CAPZA2: variants seen among roughly 807,000 people sequenced by gnomAD.
CAPZA2 encodes the protein F-actin-capping protein subunit alpha-2.
In CAPZA2, 13 loss-of-function variants were observed where a neutral mutation model predicts 44.0. The observed-to-expected ratio is 0.30, with a 90% CI of 0.19 to 0.47. CAPZA2 has a LOEUF of 0.47. CAPZA2 is among the 20% of genes least tolerant of loss of function. The pLI, the probability that CAPZA2 is intolerant of heterozygous loss-of-function variation, is 1.00. For synonymous variants in CAPZA2, 94 were observed against 108.2 expected (o/e 0.87, Z 0.81); for missense variants, 244 against 338.6 (o/e 0.72, Z 2.19).
chr7:116,898,676 A>G lies in CAPZA2; in HGVS notation c.156-96A>G, dbSNP rs536530907. The G allele has an allele frequency of 2.8e-5, 19 of 683,250 alleles. No homozygotes were observed. In the South Asian group the frequency reaches 3.4e-4, roughly 12 times the overall value. 42.3% of individuals were successfully genotyped at this position (683,250 alleles called of 1,614,324 possible). ...TTATTTATTTTGCAGTGTGCAATGT[A>G]GGAGGAGACTTTATTGATGGGTGAA... On this transcript the variant is annotated intron_variant, in intron 3 of 9. Transcript: ENST00000361183.
intron 1 of CAPZA2, among the ~76,000 whole-genome samples, chr7:116,865,279 G>A (rs1421317860): frequency 2.0e-5 from 3 of 146,410 alleles, no homozygotes; most frequent in African/African-American, 7.6e-5. Flanking sequence ...TCTGCCTCCG[G>A]GGCTGAAGCG....
At chr7:116,892,184 T>C (rs1796854327) in intron 2 of CAPZA2, among the ~76,000 whole-genome samples, 1 of 152,330 alleles carries the variant, frequency 6.6e-6, no homozygotes, top group African/African-American at 2.4e-5. Flanking sequence ...TTATAGTCTT[T>C]TTACATTTAA....
Position 116,882,866 on chromosome 7 carries a change from A to T in CAPZA2, c.40-5261A>T, listed in dbSNP as rs1035246011. Among the ~76,000 whole-genome samples the T allele has an allele frequency of 5.3e-5, 8 of 152,182 alleles. No individual in the cohort carries two copies. In the East Asian group the frequency reaches 1.3e-3, roughly 26 times the overall value. ...AAACCACTCTATACTTCTTGATGTG[A>T]TTGTTGTGAGGTATGCTTGTCAGCT... On this transcript the variant is annotated intron_variant, in intron 1 of 9. Transcript: ENST00000361183.
intron 7 of CAPZA2, among the ~76,000 whole-genome samples, chr7:116,911,412 A>C (rs1411916413): frequency 6.6e-6 from 1 of 152,206 alleles, no homozygotes; most frequent in African/African-American, 2.4e-5. Context: ...TATTTGCATG[A>C]CATACAAGGC....
At chr7:116,902,123 A>C (rs1050359684) in intron 4 of CAPZA2, among the ~76,000 whole-genome samples, 11 of 152,110 alleles carry the variant, frequency 7.2e-5, no homozygotes, top group African/African-American at 2.7e-4. Flanking sequence ...TATTGGCATA[A>C]CTGGTTTCTA....
chr7:116,916,938 T>C (rs1435249522), intron 9 of CAPZA2, among the ~76,000 whole-genome samples: 1 of 152,202 alleles, frequency 6.6e-6, no homozygotes, highest in African/African-American at 2.4e-5. Context: ...TGGCTATTTT[T>C]TTTCTGGTTG....
intron 2 of CAPZA2, among the ~76,000 whole-genome samples, chr7:116,890,777 C>CAAAAAAA (rs576504004): frequency 1.9e-5 from 1 of 53,424 alleles, no homozygotes; most frequent in African/African-American, 8.2e-5. Context: ...GACTCTGTCT[C>CAAAAAAA]AAAAAAAAAA....
chr7:116,913,731 T>A (rs976002169), intron 8 of CAPZA2, among the ~76,000 whole-genome samples: 19 of 151,390 alleles, frequency 1.3e-4, no homozygotes, highest in African/African-American at 4.4e-4. Flanking sequence ...GCCTCCTGAG[T>A]AGCTGGGACT....
At chr7:116,898,318 A>G (rs979291172) in intron 3 of CAPZA2, among the ~76,000 whole-genome samples, 8 of 150,644 alleles carry the variant, frequency 5.3e-5, no homozygotes, top group Non-Finnish European at 8.9e-5. Flanking sequence ...TTCTCTTACT[A>G]TGCTTCATAC....
At chr7:116,890,528 ATATAT>A (rs1796822611) in intron 2 of CAPZA2, among the ~76,000 whole-genome samples, 8 of 6,664 alleles carry the variant, frequency 1.2e-3, no homozygotes, top group Middle Eastern at 0.071. Flanking sequence ...AAAAAAAAAT[ATATAT>A]ATATATATAT....
chr7:116,884,560 C>T (rs1796737370), intron 1 of CAPZA2, among the ~76,000 whole-genome samples: 1 of 152,130 alleles, frequency 6.6e-6, no homozygotes. Context: ...CAGCATAATG[C>T]TTTTGAGGTT....
Position 116,910,285 on chromosome 7 carries a change from C to T in CAPZA2, c.559C>T (p.Gln187Ter). Reference protein sequence around the residue: ...WKFTITPSTTQVVGILKIQVH... With the variant: ...WKFTITPSTT ...GTTTACAATCACTCCTTCAACCACTCAAGTGGTTGGCATCTTGAAAATTCA... is the reference window on the plus strand; with the variant it reads ...GTTTACAATCACTCCTTCAACCACTTAAGTGGTTGGCATCTTGAAAATTCA... The change falls in exon 7 of 10, where the codon CAA (glutamine) becomes TAA (stop). Residue 187 changes from glutamine (Q) to a stop codon, truncating the protein, a stop_gained. Coordinates refer to ENST00000361183, the MANE Select transcript of CAPZA2 (RefSeq NM_006136.3). LOFTEE classifies it high-confidence loss of function. The T allele has an allele frequency of 1.9e-6, 3 of 1,583,824 alleles. No individual in the cohort carries two copies. The highest frequency in any genetic ancestry group is 2.6e-6 in the Non-Finnish European group (3 of 1,152,656).
At chr7:116,897,972 C>T (rs535479736) in intron 3 of CAPZA2, among the ~76,000 whole-genome samples, 204 of 152,288 alleles carry the variant, frequency 1.3e-3, no homozygotes, top group Non-Finnish European at 2.8e-3. Flanking sequence ...TAACTCTGCT[C>T]TGTCTCCCAA....
At chr7:116,883,624 A>G (rs1327164361) in intron 1 of CAPZA2, among the ~76,000 whole-genome samples, 1 of 152,130 alleles carries the variant, frequency 6.6e-6, no homozygotes, top group Non-Finnish European at 1.5e-5. Flanking sequence ...CCCACCATTC[A>G]CTTTGGATGT....
intron 1 of CAPZA2, among the ~76,000 whole-genome samples, chr7:116,868,908 G>A (rs562699310): frequency 5.3e-5 from 8 of 152,266 alleles, no homozygotes; most frequent in Admixed American, 5.2e-4. Flanking sequence ...AGCATTAGTG[G>A]AGTTTTTCAG....
intron 1 of CAPZA2, chr7:116,880,286 A>C: frequency 2.9e-6 from 1 of 343,238 alleles, no homozygotes; most frequent in Admixed American, 4.2e-5. Flanking sequence ...CTTACATTTT[A>C]ATTAATCAGA....
At chr7:116,865,174 C>CTTTTTTT (rs201926723) in intron 1 of CAPZA2, among the ~76,000 whole-genome samples, 7 of 122,086 alleles carry the variant, frequency 5.7e-5, no homozygotes, top group Admixed American at 1.7e-4. Flanking sequence ...TATGCGCTCT[C>CTTTTTTT]TTCTTTTTTT....
intron 1 of CAPZA2, among the ~76,000 whole-genome samples, chr7:116,865,422 G>C (rs1313946105): frequency 6.6e-6 from 1 of 152,026 alleles, no homozygotes; most frequent in Non-Finnish European, 1.5e-5. Context: ...CTGACCTCAG[G>C]TGATCCACCC....
chr7:116,870,301 T>C (rs575625451), intron 1 of CAPZA2, among the ~76,000 whole-genome samples: 2 of 152,146 alleles, frequency 1.3e-5, no homozygotes, highest in South Asian at 2.1e-4. Context: ...TAAACATCAG[T>C]TGGGGTCAAG....
Sources: gnomAD v4.1 joint callset for allele counts (sites outside exome capture counted in the v4.1 genomes callset) on GRCh38, gnomAD v4.1.1 for gene constraint, MANE v1.5 for transcripts, NCBI Gene and HGNC (gene_info 2026-07-23, HGNC 2026-07-21) for gene names.